Variants in VPS13B observed in about 807,000 individuals in gnomAD.
VPS13B encodes intermembrane lipid transfer protein VPS13B.
A neutral mutation model predicts 426.4 loss-of-function variants in VPS13B; 285 were observed. The observed-to-expected ratio is 0.67, with a 90% confidence interval of 0.61 to 0.74. The LOEUF is 0.74. Among genes scored for constraint, VPS13B ranks in the 30% least tolerant of loss-of-function variants. The probability of loss-of-function intolerance (pLI) is 0.00; values close to 1 mark genes in which losing one functional copy is unlikely to be tolerated. For synonymous variants in VPS13B, 1,676 were observed against 1,676.4 expected, an observed-to-expected ratio of 1.00 and a Z score of 0.01; for missense variants, 4,537 against 4,782.6, an observed-to-expected ratio of 0.95 and a Z score of 1.51.
rs754701678 is a variant in VPS13B, at chr8:99,028,522, A to AC, written c.148-9890dup. ...GGGCGGCTGGCCGGGCGGGGGGCTG[A>AC]CCCCCCCCCCCACCTCCCTCCCGGA... On this transcript the variant is annotated intron_variant, in intron 2 of 61. Transcript: ENST00000357162. Among the ~76,000 whole-genome samples the AC allele has an allele frequency of 1.3e-3, 65 of 50,006 alleles. 5 individuals are homozygous for AC. Among genetic ancestry groups the AC allele is most frequent in the South Asian group, 2.6e-3 (3 of 1,150 alleles). The allele number at this position is 50,006 out of a possible 152,430, so 32.8% of individuals were successfully genotyped here. A position where few individuals can be genotyped will look rare whatever the true frequency, so the allele number is the denominator to read the frequency against.
chr8:99,378,688 A>T lies in VPS13B; in HGVS notation c.2825-5520A>T, dbSNP rs1275481624. ...TTGGGGTCCCTGACTTCCCGCAACA[A>T]TACATAGCTGTTTTATATTCTGTAT... On this transcript the variant is annotated intron_variant, in intron 19 of 61. Coordinates refer to ENST00000357162, the MANE Select transcript of VPS13B (RefSeq NM_152564.5). Among the ~76,000 whole-genome samples the T allele has an allele frequency of 5.9e-5, 9 of 152,160 alleles. No homozygotes were observed. The East Asian group carries it at 1.7e-3, about 29-fold the overall frequency.
chr8:99,166,006 G>T (rs1333775911), intron 15 of VPS13B, among the ~76,000 whole-genome samples: 1 of 152,102 alleles, frequency 6.6e-6, no homozygotes, highest in African/African-American at 2.4e-5. Flanking sequence ...TTGAGATCTA[G>T]TTTTGCACTG....
chr8:99,719,663 A>G (rs938591960), intron 37 of VPS13B, among the ~76,000 whole-genome samples: 1 of 152,220 alleles, frequency 6.6e-6, no homozygotes, highest in East Asian at 1.9e-4. Context: ...ACTGGTCATT[A>G]TATGTCTATA....
At chr8:99,262,147 A>C (rs1818072838) in intron 17 of VPS13B, among the ~76,000 whole-genome samples, 1 of 152,160 alleles carries the variant, frequency 6.6e-6, no homozygotes, top group African/African-American at 2.4e-5. Flanking sequence ...TTCCTTGTGA[A>C]TATTTAAAGT....
At chr8:99,183,093 T>C (rs72672313) in intron 16 of VPS13B, among the ~76,000 whole-genome samples, 26,456 of 152,140 alleles carry the variant, frequency 0.17, 2,818 homozygotes, top group East Asian at 0.38. Flanking sequence ...GGAGGAAGAC[T>C]ATAATTCACC....
intron 43 of VPS13B, among the ~76,000 whole-genome samples, chr8:99,800,533 C>T (rs187718013): frequency 2.6e-5 from 4 of 152,178 alleles, no homozygotes; most frequent in Admixed American, 2.0e-4. Flanking sequence ...TATTTTAATG[C>T]ATGAAACATC....
intron 3 of VPS13B, 67 bp from the exon 4 acceptor site, chr8:99,096,245 A>T (rs891159988): frequency 1.9e-6 from 3 of 1,587,804 alleles, no homozygotes; most frequent in African/African-American, 2.7e-5. Flanking sequence ...ATATATTAAA[A>T]AATTTTTTTT....
At chr8:99,835,441 A>T in intron 53 of VPS13B, 98 bp from the exon 54 acceptor site, 2 of 1,504,678 alleles carry the variant, frequency 1.3e-6, no homozygotes, top group Non-Finnish European at 9.1e-7. Context: ...AGCATTAATG[A>T]TCTCTTTTTG....
intron 21 of VPS13B, 39 bp from the exon 22 acceptor site, chr8:99,431,498 T>A: frequency 6.2e-7 from 1 of 1,610,168 alleles, no homozygotes; most frequent in Non-Finnish European, 8.5e-7. Context: ...AAATTGTAAG[T>A]TATGTTTCTA....
At chr8:99,292,659 C>T (rs1819795544) in intron 19 of VPS13B, among the ~76,000 whole-genome samples, 1 of 151,994 alleles carries the variant, frequency 6.6e-6, no homozygotes, top group Non-Finnish European at 1.5e-5. Context: ...AGGTTTATCC[C>T]ATATATTGGG....
intron 36 of VPS13B, among the ~76,000 whole-genome samples, chr8:99,706,335 C>G (rs1832495951): frequency 6.6e-6 from 1 of 152,122 alleles, no homozygotes; most frequent in African/African-American, 2.4e-5. Context: ...AAGGATTTGG[C>G]CTGTTTAAGA....
intron 43 of VPS13B, among the ~76,000 whole-genome samples, chr8:99,802,185 GA>G (rs1178332855): frequency 4.0e-5 from 6 of 151,462 alleles, no homozygotes; most frequent in Non-Finnish European, 8.8e-5. Context: ...TGGCCCTAGG[GA>G]AAAAAGCTCA....
chr8:99,834,697 C>T (rs992428534), intron 52 of VPS13B, among the ~76,000 whole-genome samples: 1 of 152,074 alleles, frequency 6.6e-6, no homozygotes, highest in Non-Finnish European at 1.5e-5. Flanking sequence ...TAGCTGGGAC[C>T]ACAAGTGTGC....
At chr8:99,385,189 T>A (rs1814047573) in intron 20 of VPS13B, among the ~76,000 whole-genome samples, 1 of 152,224 alleles carries the variant, frequency 6.6e-6, no homozygotes, top group Non-Finnish European at 1.5e-5. Flanking sequence ...TTATTTTCGT[T>A]TTAAAGATGA....
intron 33 of VPS13B, among the ~76,000 whole-genome samples, chr8:99,627,397 ATTTTATTTTAT>A: frequency 6.6e-6 from 1 of 152,026 alleles, no homozygotes; most frequent in Non-Finnish European, 1.5e-5. Context: ...ATCATGCCAC[ATTTTATTTTAT>A]TTTTATTTTA....
chr8:99,086,932 G>T (rs1016789845), intron 3 of VPS13B, among the ~76,000 whole-genome samples: 4 of 152,124 alleles, frequency 2.6e-5, no homozygotes, highest in South Asian at 2.1e-4. Flanking sequence ...GCAGTCTGTC[G>T]GTTCTCAGAT....
intron 17 of VPS13B, among the ~76,000 whole-genome samples, chr8:99,259,288 C>T (rs1398268242): frequency 2.0e-5 from 3 of 151,964 alleles, no homozygotes; most frequent in South Asian, 2.1e-4. Flanking sequence ...GGAGAAAATT[C>T]GTTTATAAGC....
chr8:99,806,396 T>C (rs1307534972), intron 43 of VPS13B, among the ~76,000 whole-genome samples: 2 of 152,200 alleles, frequency 1.3e-5, no homozygotes, highest in Non-Finnish European at 2.9e-5. Flanking sequence ...GAGACCCAGC[T>C]GCTTCCCAAT....
chr8:99,236,250 ATT>A (rs574131625), intron 17 of VPS13B, among the ~76,000 whole-genome samples: 6 of 143,766 alleles, frequency 4.2e-5, no homozygotes, highest in Middle Eastern at 3.7e-3. Flanking sequence ...GTTGATGTCA[ATT>A]TTTTTTTTTT....
Sources: gnomAD v4.1 joint callset for allele counts (sites outside exome capture counted in the v4.1 genomes callset) on GRCh38, gnomAD v4.1.1 for gene constraint, MANE v1.5 for transcripts, NCBI Gene and HGNC (gene_info 2026-07-23, HGNC 2026-07-21) for gene names.